Variants in LEPR observed in about 807,000 individuals in gnomAD.
LEPR encodes OB receptor.
A neutral mutation model predicts 114.7 loss-of-function variants in LEPR; 56 were observed. The ratio of observed to expected loss-of-function variants is 0.49; its 90% CI spans 0.39 to 0.61. The LOEUF is 0.61. Ranked by LOEUF, LEPR falls within the 20% of genes least tolerant of loss-of-function variation. The probability of loss-of-function intolerance (pLI) is 0.00; values close to 1 mark genes in which losing one functional copy is unlikely to be tolerated. For synonymous variants in LEPR, 443 were observed against 461.4 expected, an observed-to-expected ratio of 0.96 and a Z score of 0.51; for missense variants, 1,202 against 1,352.9, an observed-to-expected ratio of 0.89 and a Z score of 1.75.
intron 5 of LEPR, among the ~76,000 whole-genome samples, chr1:65,572,807 A>G (rs1195592572): frequency 6.6e-6 from 1 of 152,180 alleles, no homozygotes; most frequent in East Asian, 1.9e-4. Flanking sequence ...GCAGCTCTCT[A>G]TCAGCAGCTT....
At chr1:65,441,819 T>A (rs1646653173) in intron 2 of LEPR, among the ~76,000 whole-genome samples, 1 of 152,132 alleles carries the variant, frequency 6.6e-6, no homozygotes, top group Non-Finnish European at 1.5e-5. Flanking sequence ...AGCCTAAGAA[T>A]TTTTGATAAC....
At chr1:65,421,009 G>A (rs961100893) in intron 1 of LEPR, among the ~76,000 whole-genome samples, 3 of 152,112 alleles carry the variant, frequency 2.0e-5, no homozygotes, top group African/African-American at 2.4e-5. Flanking sequence ...CTGAGCCCTC[G>A]GCGAGAGCGG....
In LEPR at chr1:65,616,106, C is replaced by G; in HGVS notation, c.2094C>G (p.His698Gln). 1 of 1,614,180 alleles carries G rather than the reference C, an allele frequency of 6.2e-7. No individual in the cohort carries two copies. Among genetic ancestry groups the G allele is most frequent in the Non-Finnish European group, 8.5e-7 (1 of 1,180,020 alleles). The change falls in exon 15 of 20, where the codon CAC (histidine) becomes CAG (glutamine). Residue 698 changes from histidine (H) to glutamine (Q), a missense_variant. Coordinates refer to ENST00000349533, the MANE Select transcript of LEPR (RefSeq NM_002303.6). Reference sequence around the variant, plus strand: ...CATGGTCAGAAGATGTGGGAAATCACACGAAATTCACTTTCCTGTGGACAG... The same window carrying G: ...CATGGTCAGAAGATGTGGGAAATCAGACGAAATTCACTTTCCTGTGGACAG... Reference protein sequence around the residue: ...NGTWSEDVGNHTKFTFLWTEQ... With the variant: ...NGTWSEDVGNQTKFTFLWTEQ...
At chr1:65,448,999 C>T (rs11588579) in intron 2 of LEPR, among the ~76,000 whole-genome samples, 6,726 of 152,134 alleles carry the variant, frequency 0.044, 191 homozygotes, top group South Asian at 0.1. Flanking sequence ...GTTCAAACGA[C>T]TCTCTTGCCT....
chr1:65,467,494 G>T (rs751120715), intron 2 of LEPR, among the ~76,000 whole-genome samples: 8 of 152,150 alleles, frequency 5.3e-5, no homozygotes, highest in Non-Finnish European at 1.0e-4. Flanking sequence ...GGGGGTCAGG[G>T]ACCCACTTGA....
chr1:65,604,270 T>A (rs1423376120), intron 10 of LEPR, among the ~76,000 whole-genome samples: 1 of 152,158 alleles, frequency 6.6e-6, no homozygotes, highest in Non-Finnish European at 1.5e-5. Flanking sequence ...AATTAAAAAA[T>A]GCCTTTCTAA....
intron 2 of LEPR, among the ~76,000 whole-genome samples, chr1:65,463,090 T>A (rs1367881194): frequency 6.6e-6 from 1 of 152,248 alleles, no homozygotes; most frequent in Non-Finnish European, 1.5e-5. Context: ...TCCTGAATGG[T>A]AGTACCTAGG....
chr1:65,431,429 A>G (rs779216634), intron 2 of LEPR, among the ~76,000 whole-genome samples: 5 of 152,258 alleles, frequency 3.3e-5, no homozygotes, highest in African/African-American at 4.8e-5. Flanking sequence ...ACACAAATTT[A>G]TAACTCTACA....
Position 65,592,873 on chromosome 1 carries a change from A to G in LEPR, c.703+8A>G, listed in dbSNP as rs779548707. ...TTCAGCCCATAAATATGGGTAAGTT[A>G]TGCACTAAAATGATGATAATAGGTC... On this transcript the variant is annotated splice_region_variant and intron_variant, in intron 6 of 19. Coordinates refer to ENST00000349533, the MANE Select transcript of LEPR (RefSeq NM_002303.6). 10 of 1,612,504 alleles carry G rather than the reference A, an allele frequency of 6.2e-6. No homozygotes were observed. The highest frequency in any genetic ancestry group is 7.6e-6 in the Non-Finnish European group (9 of 1,178,878).
At chr1:65,541,133 A>G (rs1418088667) in intron 2 of LEPR, among the ~76,000 whole-genome samples, 1 of 152,160 alleles carries the variant, frequency 6.6e-6, no homozygotes, top group Admixed American at 6.5e-5. Context: ...CCAGTTTACC[A>G]TCTTGAACCT....
In LEPR at chr1:65,465,063, C is replaced by T. The variant is rs540206124; in HGVS notation, c.-21+39685C>T. Among the ~76,000 whole-genome samples the T allele has an allele frequency of 8.5e-5, 13 of 152,254 alleles. No individual in the cohort carries two copies. The South Asian group carries it at 2.7e-3, about 32-fold the overall frequency. ...GATCTTAGTTATTTCTTGCCTTCTG[C>T]TAGCTTTTGAATATGTTTGCTCTTG... On this transcript the variant is annotated intron_variant, in intron 2 of 19. Transcript: ENST00000349533.
chr1:65,567,579 C>T (rs1353427548), intron 3 of LEPR, among the ~76,000 whole-genome samples: 1 of 152,160 alleles, frequency 6.6e-6, no homozygotes, highest in Non-Finnish European at 1.5e-5. Flanking sequence ...TCAATTTTTG[C>T]ATCTATACCT....
In LEPR at chr1:65,475,952, G is replaced by C. The variant is rs536783507; in HGVS notation, c.-21+50574G>C. On this transcript the variant is annotated intron_variant, in intron 2 of 19. Transcript: ENST00000349533. ...GGATTGCCTGAGCCCAGGAGGTTGAGTCTGCAGTGAGCCATGATCACGCCA... is the reference window on the plus strand; with the variant it reads ...GGATTGCCTGAGCCCAGGAGGTTGACTCTGCAGTGAGCCATGATCACGCCA... Among the ~76,000 whole-genome samples the C allele has an allele frequency of 1.3e-4, 19 of 151,854 alleles. No homozygotes were observed. The South Asian group carries it at 4.0e-3, about 32-fold the overall frequency.
At chr1:65,564,939 G>A (rs1292922088) in intron 2 of LEPR, among the ~76,000 whole-genome samples, 4 of 152,172 alleles carry the variant, frequency 2.6e-5, no homozygotes, top group Admixed American at 1.3e-4. Flanking sequence ...TCTTGTCTCT[G>A]AAGTCGGACT....
At chr1:65,540,751 C>T (rs1651133681) in intron 2 of LEPR, among the ~76,000 whole-genome samples, 1 of 152,220 alleles carries the variant, frequency 6.6e-6, no homozygotes, top group Non-Finnish European at 1.5e-5. Flanking sequence ...ATCGCTCTCT[C>T]ATTCACTCTT....
At chr1:65,543,371 T>A (rs751580438) in intron 2 of LEPR, among the ~76,000 whole-genome samples, 2 of 152,028 alleles carry the variant, frequency 1.3e-5, no homozygotes, top group African/African-American at 2.4e-5. Context: ...TAGCCCTTTG[T>A]CAGATGGTTA....
At chr1:65,435,328 A>G (rs1646543718) in intron 2 of LEPR, 5 of 984,188 alleles carry the variant, frequency 5.1e-6, no homozygotes, top group South Asian at 9.4e-5. Flanking sequence ...TTCTCAGGGA[A>G]ATGCTTAGGT....
chr1:65,637,146 C>T lies in LEPR; in HGVS notation c.*131C>T. The T allele has an allele frequency of 9.1e-7, 1 of 1,097,984 alleles. No homozygotes were observed. The highest frequency in any genetic ancestry group is 1.3e-6 in the Non-Finnish European group (1 of 777,340). The allele number at this position is 1,097,984 out of a possible 1,614,324, so 68.0% of individuals were successfully genotyped here. ...AATAATTGTTCCAAATGAATGTTGT[C>T]TGTTTGTTCTCTCTTAGTAACATAG... On this transcript the variant is annotated 3_prime_UTR_variant, in exon 20 of 20. Transcript: ENST00000349533.
chr1:65,592,513 A>T, intron 5 of LEPR, 144 bp from the exon 6 acceptor site: 1 of 737,764 alleles, frequency 1.4e-6, no homozygotes, highest in Non-Finnish European at 2.1e-6. Context: ...TTGTTTTTCT[A>T]ATGTAGGGTT....
Sources: gnomAD v4.1 joint callset for allele counts (sites outside exome capture counted in the v4.1 genomes callset) on GRCh38, gnomAD v4.1.1 for gene constraint, MANE v1.5 for transcripts, NCBI Gene and HGNC (gene_info 2026-07-23, HGNC 2026-07-21) for gene names.